AGMO: variants seen among roughly 807,000 people sequenced by gnomAD.
The protein encoded by AGMO is alkylglycerol monooxygenase.
A neutral mutation model predicts 60.2 loss-of-function variants in AGMO; 75 were observed. The observed-to-expected ratio is 1.25, with a 90% CI of 1.03 to 1.51. The LOEUF (loss-of-function observed/expected upper bound fraction) is 1.51. AGMO is among the 40% of genes most tolerant of loss of function. The pLI is 0.00. For missense variants in AGMO, 763 were observed against 525.5 expected (o/e 1.45, Z -4.42); for synonymous variants, 261 against 177.1 (o/e 1.47, Z -3.76).
Position 15,459,370 on chromosome 7 carries a change from C to A in AGMO, c.410-28262G>T, listed in dbSNP as rs1242760434. On this transcript the variant is annotated intron_variant, in intron 3 of 12. Transcript: ENST00000342526. ...GAAAAGGTGCTTCTGGGCAGGAGATCCAGAGAGTTCTCAGATGGCAGATGG... is the reference window on the plus strand; with the variant it reads ...GAAAAGGTGCTTCTGGGCAGGAGATACAGAGAGTTCTCAGATGGCAGATGG... Among the ~76,000 whole-genome samples, 3 of 152,026 alleles carry A rather than the reference C, an allele frequency of 2.0e-5. No individual in the cohort carries two copies. The East Asian group carries it at 5.8e-4, about 29-fold the overall frequency.
chr7:15,205,623 T>C (rs1781419812), intron 12 of AGMO, among the ~76,000 whole-genome samples: 1 of 152,078 alleles, frequency 6.6e-6, no homozygotes, highest in Non-Finnish European at 1.5e-5. Flanking sequence ...AAGGAAGAAA[T>C]TTGAGTTACT....
chr7:15,255,605 G>A (rs193102429), intron 12 of AGMO, among the ~76,000 whole-genome samples: 2 of 151,012 alleles, frequency 1.3e-5, no homozygotes, highest in Non-Finnish European at 2.9e-5. Context: ...ACAGATGCCG[G>A]AATTCTTAAC....
At chr7:15,380,629 C>G (rs1783641557) in intron 10 of AGMO, among the ~76,000 whole-genome samples, 2 of 151,910 alleles carry the variant, frequency 1.3e-5, no homozygotes, top group Admixed American at 6.6e-5. Flanking sequence ...TTAAACATTC[C>G]TCACAGAACT....
At chr7:15,557,787 A>C (rs1488296706) in intron 2 of AGMO, among the ~76,000 whole-genome samples, 1 of 152,078 alleles carries the variant, frequency 6.6e-6, no homozygotes, top group African/African-American at 2.4e-5. Flanking sequence ...TTACATCTAC[A>C]AGGAAGAAAG....
At chr7:15,293,955 AAGG>A (rs1252515570) in intron 12 of AGMO, among the ~76,000 whole-genome samples, 3 of 141,146 alleles carry the variant, frequency 2.1e-5, no homozygotes, top group African/African-American at 9.6e-5. Context: ...AATTTAACAG[AAGG>A]TCTAAGTAAA....
chr7:15,192,272 AT>A, the AGMO span, among the ~76,000 whole-genome samples: 1 of 148,432 alleles, frequency 6.7e-6, no homozygotes, highest in South Asian at 2.3e-4. Flanking sequence ...TGCCCCCCAC[AT>A]CCTGTACCCA....
At chr7:15,494,658 T>G (rs1213247941) in intron 3 of AGMO, among the ~76,000 whole-genome samples, 1 of 152,200 alleles carries the variant, frequency 6.6e-6, no homozygotes. Context: ...CTCGTCCATT[T>G]GATAGTTATG....
chr7:15,119,240 C>T, the AGMO span, among the ~76,000 whole-genome samples: 1 of 151,720 alleles, frequency 6.6e-6, no homozygotes, highest in Non-Finnish European at 1.5e-5. Context: ...ATGTGAAGTG[C>T]CTCACTTCCC....
At chr7:15,543,544 C>G (rs891476492) in intron 3 of AGMO, among the ~76,000 whole-genome samples, 1 of 152,080 alleles carries the variant, frequency 6.6e-6, no homozygotes, top group Admixed American at 6.5e-5. Flanking sequence ...GTACTGCCAA[C>G]AAATTGAATT....
the AGMO span, among the ~76,000 whole-genome samples, chr7:15,170,811 C>T: frequency 6.6e-6 from 1 of 152,272 alleles, no homozygotes; most frequent in Non-Finnish European, 1.5e-5. Flanking sequence ...GCTGACATGT[C>T]TCTTTAGGCC....
chr7:15,465,491 T>G (rs747308562), intron 3 of AGMO, among the ~76,000 whole-genome samples: 30 of 151,074 alleles, frequency 2.0e-4, no homozygotes, highest in Non-Finnish European at 3.5e-4. Flanking sequence ...GGCATGATAC[T>G]GGCTCACTGC....
At chr7:15,329,822 G>A (rs1158751186) in intron 12 of AGMO, among the ~76,000 whole-genome samples, 1 of 152,144 alleles carries the variant, frequency 6.6e-6, no homozygotes, top group Admixed American at 6.5e-5. Context: ...ATTTGCTGAA[G>A]TGGGTAAGGA....
chr7:15,248,208 A>ATG (rs1342757373), intron 12 of AGMO, among the ~76,000 whole-genome samples: 4 of 95,610 alleles, frequency 4.2e-5, no homozygotes, highest in Admixed American at 1.1e-4. Flanking sequence ...ATATATATAT[A>ATG]TATATATATA....
At chr7:15,546,888 T>C (rs1383690881) in intron 2 of AGMO, among the ~76,000 whole-genome samples, 1 of 152,184 alleles carries the variant, frequency 6.6e-6, no homozygotes, top group Admixed American at 6.5e-5. Flanking sequence ...AGGATAATTC[T>C]TTGTTGGAAG....
At chr7:15,312,904 A>C (rs1165142488) in intron 12 of AGMO, among the ~76,000 whole-genome samples, 4 of 152,090 alleles carry the variant, frequency 2.6e-5, no homozygotes, top group Non-Finnish European at 5.9e-5. Flanking sequence ...CCCGAACTCA[A>C]GCAGTCCACC....
chr7:15,274,299 C>G (rs543175662), intron 12 of AGMO, among the ~76,000 whole-genome samples: 27 of 152,204 alleles, frequency 1.8e-4, no homozygotes, highest in African/African-American at 6.3e-4. Context: ...CTCATCAATA[C>G]CTAATTTATT....
At chr7:15,488,229 G>A (rs1231288379) in intron 3 of AGMO, among the ~76,000 whole-genome samples, 1 of 152,182 alleles carries the variant, frequency 6.6e-6, no homozygotes, top group Non-Finnish European at 1.5e-5. Context: ...CACACCTAGT[G>A]AATTTGTTTA....
chr7:15,292,632 A>T (rs1307476577), intron 12 of AGMO, among the ~76,000 whole-genome samples: 6 of 152,178 alleles, frequency 3.9e-5, no homozygotes, highest in African/African-American at 1.4e-4. Context: ...GGAGAAGGAG[A>T]AAAGCTCCTA....
chr7:15,428,183 T>A (rs575983464), intron 4 of AGMO, among the ~76,000 whole-genome samples: 47 of 152,196 alleles, frequency 3.1e-4, no homozygotes, highest in Admixed American at 1.0e-3. Flanking sequence ...TGAAGAGACC[T>A]GAAGTGTGCC....
Sources: gnomAD v4.1 joint callset for allele counts (sites outside exome capture counted in the v4.1 genomes callset) on GRCh38, gnomAD v4.1.1 for gene constraint, MANE v1.5 for transcripts, NCBI Gene and HGNC (gene_info 2026-07-23, HGNC 2026-07-21) for gene names.